ADGRF5: variants seen among roughly 807,000 people sequenced by gnomAD.
ADGRF5 encodes the protein adhesion G protein-coupled receptor F5.
ADGRF5 carries 75 observed loss-of-function variants against 132.3 expected under a neutral mutation model. That is an observed-to-expected ratio of 0.57 (90% CI 0.47 to 0.69). The LOEUF (loss-of-function observed/expected upper bound fraction) is 0.69, where lower values mean the gene tolerates loss of function less well. Among genes scored for constraint, ADGRF5 ranks in the 30% least tolerant of loss-of-function variants. The probability of loss-of-function intolerance (pLI) is 0.00; values close to 1 mark genes in which losing one functional copy is unlikely to be tolerated. For synonymous variants in ADGRF5, 629 were observed against 597.6 expected, an observed-to-expected ratio of 1.05 and a Z score of -0.77; for missense variants, 1,516 against 1,630.6, an observed-to-expected ratio of 0.93 and a Z score of 1.21.
rs1270527831 is a variant in ADGRF5 at position 46,858,429 on chromosome 6, C to T, written c.3474G>A (p.Arg1158=). 6.2e-6 allele frequency: 10 copies of T among 1,613,930 alleles called. No homozygotes were observed. Among genetic ancestry groups the T allele is most frequent in the Non-Finnish European group, 8.5e-6 (10 of 1,179,864 alleles). ...GATQPREVYT[R]KNVCWLNWED... Reference sequence around the variant, plus strand: ...CCCAGTTGAGCCAACAGACATTCTTCCTCGTATAGACTTCCCGGGGCTGGG... The same window carrying T: ...CCCAGTTGAGCCAACAGACATTCTTTCTCGTATAGACTTCCCGGGGCTGGG... Residue 1158 remains arginine (R), a synonymous_variant, in exon 17 of 21, where the codon AGG becomes AGA. Transcript: ENST00000283296.
intron 1 of ADGRF5, among the ~76,000 whole-genome samples, chr6:46,929,945 C>T (rs1346008151): frequency 2.0e-5 from 3 of 152,004 alleles, no homozygotes; most frequent in South Asian, 2.1e-4. Flanking sequence ...CTCAGCCTAC[C>T]GAGTAGCTGG....
At position 46,863,010 on chromosome 6, in the gene ADGRF5, G is replaced by C; in HGVS notation, c.2077C>G (p.Pro693Ala). The change falls in exon 15 of 21, where the codon CCC becomes GCC. Residue 693 changes from proline to alanine, a missense_variant. Pro to Ala is a conservative substitution (Grantham distance 27). This residue lies in a region of ADGRF5 where 945 missense variants were observed against 929.4 expected (regional missense o/e 1.02). Transcript: ENST00000283296. The stretch of plus-strand genomic sequence containing the variant: ...CCAATGGGACTCTCAGGGCTGCTGG[G>C]AACGTTTGAGAACCGGCATAGCTTC... ...IQKLCRFSNV[P>A]SSPESPIGGT... 2 of 1,613,744 alleles carry C rather than the reference G, an allele frequency of 1.2e-6. No homozygotes were observed. Among genetic ancestry groups the C allele is most frequent in the South Asian group, 1.1e-5 (1 of 91,062 alleles).
chr6:46,945,679 A>C (rs377143667), intron 1 of ADGRF5, among the ~76,000 whole-genome samples: 4 of 152,220 alleles, frequency 2.6e-5, no homozygotes, highest in African/African-American at 9.6e-5. Flanking sequence ...GGTGACATTT[A>C]AAATGGGCTT....
intron 10 of ADGRF5, among the ~76,000 whole-genome samples, chr6:46,874,146 T>C (rs1011871974): frequency 6.6e-6 from 1 of 152,204 alleles, no homozygotes; most frequent in African/African-American, 2.4e-5. Flanking sequence ...AACCTTACCA[T>C]TGCCTACAGA....
chr6:46,897,773 T>C (rs1182650343), intron 3 of ADGRF5, among the ~76,000 whole-genome samples: 1 of 152,192 alleles, frequency 6.6e-6, no homozygotes, highest in Non-Finnish European at 1.5e-5. Context: ...CTCGAACTCC[T>C]GACCTCGTGA....
chr6:46,905,252 T>C (rs1400628861), intron 2 of ADGRF5: 1 of 152,214 alleles, frequency 6.6e-6, no homozygotes, highest in Non-Finnish European at 1.5e-5. Flanking sequence ...CTTCTCTATT[T>C]AAATAGGAAG....
intron 1 of ADGRF5, among the ~76,000 whole-genome samples, chr6:46,914,139 G>A (rs1044726475): frequency 6.6e-6 from 1 of 152,144 alleles, no homozygotes; most frequent in Non-Finnish European, 1.5e-5. Flanking sequence ...ACTTTCAGGA[G>A]GACTATCATT....
chr6:46,856,091 G>C (rs1769013143), intron 19 of ADGRF5, 33 bp from the exon 20 acceptor site: 1 of 1,244,930 alleles, frequency 8.0e-7, no homozygotes, highest in Non-Finnish European at 1.2e-6. Flanking sequence ...CAATCACAAA[G>C]CAAATTTGTG....
Position 46,886,480 on chromosome 6 carries a change from A to C in ADGRF5, c.328+1855T>G, listed in dbSNP as rs368870584. On this transcript the variant is annotated intron_variant, in intron 4 of 20. Coordinates refer to ENST00000283296, the MANE Select transcript of ADGRF5 (RefSeq NM_001098518.2). ...TTTTGTAAGGGAGCATTATGGGAGG[A>C]GTAGTTGAAGAACTTTTGAGTCCCA... 11 of 152,290 alleles carry C rather than the reference A, an allele frequency of 7.2e-5. No individual in the cohort carries two copies. The East Asian group carries it at 2.1e-3, about 29-fold the overall frequency. The allele number at this position is 152,290 out of a possible 1,614,324, so 9.4% of individuals were successfully genotyped here.
At chr6:46,889,721 G>A (rs184501018) in intron 3 of ADGRF5, among the ~76,000 whole-genome samples, 8 of 146,642 alleles carry the variant, frequency 5.5e-5, no homozygotes, top group African/African-American at 2.0e-4. Context: ...TATATATATA[G>A]TCTGTACAAA....
intron 2 of ADGRF5, among the ~76,000 whole-genome samples, chr6:46,900,567 T>A: frequency 6.6e-6 from 1 of 152,132 alleles, no homozygotes; most frequent in Non-Finnish European, 1.5e-5. Flanking sequence ...TTTTTCTACA[T>A]CTGATCCTTT....
At chr6:46,890,527 G>A (rs897301948) in intron 3 of ADGRF5, among the ~76,000 whole-genome samples, 7 of 944 alleles carry the variant, frequency 7.4e-3, no homozygotes, top group African/African-American at 0.032. Context: ...AGACCAGCCT[G>A]GCCAACATGG....
chr6:46,945,827 A>G lies in ADGRF5; in HGVS notation c.-25+8907T>C, dbSNP rs962009606. ...ACATGGCTGGGGAGGCCTCACAATC[A>G]TGGTGTAAGGTGAGAAGGAGAAAAG... On this transcript the variant is annotated intron_variant, in intron 1 of 20. Coordinates refer to the ADGRF5 transcript ENST00000265417. Among the ~76,000 whole-genome samples the G allele has an allele frequency of 2.6e-5, 4 of 152,338 alleles. No homozygotes were observed. The East Asian group carries it at 7.7e-4, about 29-fold the overall frequency.
At chr6:46,934,998 C>CTTTTTTTTTT (rs56982002) in intron 1 of ADGRF5, among the ~76,000 whole-genome samples, 1 of 86,706 alleles carries the variant, frequency 1.2e-5, no homozygotes, top group African/African-American at 4.7e-5. Context: ...GGTGATAGTT[C>CTTTTTTTTTT]TTTTTTTTTT....
chr6:46,880,107 C>G (rs1169878947), intron 8 of ADGRF5, 68 bp from the exon 9 acceptor site: 3 of 1,025,036 alleles, frequency 2.9e-6, no homozygotes, highest in Non-Finnish European at 4.5e-6. Context: ...ACTCACCACA[C>G]ACAACCACCA....
intron 14 of ADGRF5, 131 bp downstream of exon 14, chr6:46,864,911 G>A (rs1770236118): frequency 1.6e-6 from 1 of 631,014 alleles, no homozygotes; most frequent in African/African-American, 1.8e-5. Context: ...TACCACTATG[G>A]TGAGCCCAGG....
intron 10 of ADGRF5, among the ~76,000 whole-genome samples, chr6:46,877,020 T>C (rs1771731982): frequency 6.6e-6 from 1 of 152,260 alleles, no homozygotes; most frequent in South Asian, 2.1e-4. Flanking sequence ...AAAGACTTTT[T>C]CTTTACAGAT....
chr6:46,905,508 G>C (rs1025414660), intron 2 of ADGRF5: 3 of 151,974 alleles, frequency 2.0e-5, no homozygotes, highest in Admixed American at 2.0e-4. Context: ...AAATTTACTT[G>C]CTCAAGTTTG....
chr6:46,893,698 A>C (rs781519909), intron 3 of ADGRF5, among the ~76,000 whole-genome samples: 6 of 151,974 alleles, frequency 3.9e-5, no homozygotes, highest in Non-Finnish European at 7.4e-5. Flanking sequence ...TGATAGTTTA[A>C]TGTGTTTTCT....
Sources: allele counts gnomAD v4.1 joint callset (sites outside exome capture counted in the v4.1 genomes callset), GRCh38; gene constraint gnomAD v4.1.1; regional missense constraint gnomAD v4.1.1; transcripts MANE v1.5; gene names NCBI Gene and HGNC (gene_info 2026-07-23, HGNC 2026-07-21).